Variants in VAV2 observed in about 807,000 individuals in gnomAD.
VAV2 encodes guanine nucleotide exchange factor VAV2.
In VAV2, 67 loss-of-function variants were observed where a neutral mutation model predicts 132.5. The observed-to-expected ratio is 0.51, with a 90% CI of 0.42 to 0.62. VAV2 has a LOEUF of 0.62. VAV2 is among the 20% of genes least tolerant of loss of function. The pLI is 0.00. For synonymous variants in VAV2, 492 were observed against 443.5 expected (o/e 1.11, Z -1.37); for missense variants, 938 against 1,153.6 (o/e 0.81, Z 2.71).
chr9:133,806,104 C>T lies in VAV2; in HGVS notation c.813G>A (p.Lys271=). 1 of 1,613,040 alleles carries T rather than the reference C, an allele frequency of 6.2e-7. No individual in the cohort carries two copies. The highest frequency in any genetic ancestry group is 8.5e-7 in the Non-Finnish European group (1 of 1,179,964). The change falls in exon 9 of 30, where the codon AAG becomes AAA. Residue 271 remains lysine, a synonymous_variant. Transcript: ENST00000371850. ...ACCTTTCCTTGAAATCGAGGAAGAC[C>T]TTGGCCAGCGTGCTGCCCCCCACCA... ...SVMVGGSTLA[K]VFLDFKERLL...
rs1180934212 is a variant in VAV2, at chr9:133,926,749, G to C, written c.321+12354C>G. ...CACACCTCTGCCCACCAAAGTCCCT[G>C]TCACTCTGCACAGTAGGCAGTGGCC... On this transcript the variant is annotated intron_variant, in intron 2 of 29. Transcript: ENST00000371850. The surrounding 1 kb of genome is among the most constrained non-coding windows in gnomAD (Gnocchi z 4.3). Among the ~76,000 whole-genome samples the C allele has an allele frequency of 6.6e-6, 1 of 152,146 alleles. No homozygotes were observed. Among genetic ancestry groups the C allele is most frequent in the East Asian group, 1.9e-4 (1 of 5,190 alleles).
At chr9:133,796,924 G>C (rs897744551) in intron 10 of VAV2, among the ~76,000 whole-genome samples, 4 of 152,214 alleles carry the variant, frequency 2.6e-5, no homozygotes, top group African/African-American at 9.7e-5. Flanking sequence ...CTGGCCTCTG[G>C]GAGAAGCAAG....
intron 1 of VAV2, among the ~76,000 whole-genome samples, chr9:133,951,539 G>C (rs538041593): frequency 6.6e-6 from 1 of 152,110 alleles, no homozygotes; most frequent in Non-Finnish European, 1.5e-5. Flanking sequence ...CCTGTGCTTC[G>C]TGAGGCCCAT....
rs555155718 is a variant in VAV2, at chr9:133,966,907, C to T, written c.204+25168G>A. ...AAAATCAGTTGGGCTTGGTGGCGGG[C>T]GCCTGCAATCCCAGCTACTTGGGAG... is the stretch of plus-strand genomic sequence containing the variant. On this transcript the variant is annotated intron_variant, in intron 1 of 29. Coordinates refer to ENST00000371850, the MANE Select transcript of VAV2 (RefSeq NM_001134398.2). 9.2e-4 allele frequency among the ~76,000 whole-genome samples: 139 copies of T among 151,400 alleles called. 1 individual carries two copies. The highest frequency in any genetic ancestry group is 3.2e-3 in the African/African-American group (131 of 41,224).
Position 133,763,861 on chromosome 9 carries a change from A to T in VAV2, c.*201T>A. On this transcript the variant is annotated 3_prime_UTR_variant, in exon 30 of 30. Coordinates refer to ENST00000371850, the MANE Select transcript of VAV2 (RefSeq NM_001134398.2). This position sits in a 1 kb window ranked among gnomAD's most constrained non-coding sequence, Gnocchi z 6.8. The stretch of plus-strand genomic sequence containing the variant: ...AGGTTTCCTCTATGTACAATAGCAT[A>T]CCCAGTGATGGGTCGCCGAGGGCAG... The T allele has an allele frequency of 1.6e-6, 1 of 633,350 alleles. No individual in the cohort carries two copies. Among genetic ancestry groups the T allele is most frequent in the Non-Finnish European group, 2.8e-6 (1 of 362,660 alleles). 39.2% of individuals were successfully genotyped at this position (633,350 alleles called of 1,614,324 possible).
chr9:133,818,396 G>C (rs905302171), intron 4 of VAV2, among the ~76,000 whole-genome samples: 1 of 149,796 alleles, frequency 6.7e-6, no homozygotes, highest in Non-Finnish European at 1.5e-5. Context: ...GGGTGGACTT[G>C]CTCTCTTCTG....
intron 4 of VAV2, among the ~76,000 whole-genome samples, chr9:133,817,074 G>A (rs1027359668): frequency 1.3e-5 from 2 of 152,138 alleles, no homozygotes; most frequent in African/African-American, 4.8e-5. Flanking sequence ...TGTAATTTGG[G>A]GAGAACTGCC....
intron 2 of VAV2, among the ~76,000 whole-genome samples, chr9:133,878,756 G>C (rs1838368700): frequency 6.6e-6 from 1 of 152,218 alleles, no homozygotes; most frequent in African/African-American, 2.4e-5. Context: ...ACCCACACCA[G>C]GGGGTCCCGA....
At chr9:133,783,947 C>A (rs1399771925) in intron 18 of VAV2, among the ~76,000 whole-genome samples, 3 of 146,178 alleles carry the variant, frequency 2.1e-5, no homozygotes, top group African/African-American at 7.6e-5. Flanking sequence ...GTGGCGACAT[C>A]ACAGCTCACT....
In VAV2 at chr9:133,789,245, G is replaced by A. The variant is rs757628718; in HGVS notation, c.1274+13C>T. On this transcript the variant is annotated intron_variant, in intron 14 of 29. Coordinates refer to ENST00000371850, the MANE Select transcript of VAV2 (RefSeq NM_001134398.2). Reference sequence around the variant, plus strand: ...CGGGACGCCACCCAGCCCACAACACGCGCCCTGCTCACCTGTCCTGCTTGG... The same window carrying A: ...CGGGACGCCACCCAGCCCACAACACACGCCCTGCTCACCTGTCCTGCTTGG... 1.4e-5 allele frequency: 22 copies of A among 1,613,586 alleles called. No individual in the cohort carries two copies. The highest frequency in any genetic ancestry group is 5.5e-5 in the South Asian group (5 of 91,044).
At chr9:133,880,112 C>T (rs533750282) in intron 2 of VAV2, among the ~76,000 whole-genome samples, 17 of 152,294 alleles carry the variant, frequency 1.1e-4, no homozygotes, top group African/African-American at 3.9e-4. Context: ...GAAGGACCCA[C>T]CTGGACCCAC....
intron 2 of VAV2, among the ~76,000 whole-genome samples, chr9:133,923,999 G>A (rs555790870): frequency 5.3e-5 from 8 of 152,096 alleles, no homozygotes; most frequent in African/African-American, 1.7e-4. Context: ...CGGGGGGTGG[G>A]GGACTAGGGG....
At chr9:133,987,334 G>T (rs1842887356) in intron 1 of VAV2, among the ~76,000 whole-genome samples, 1 of 152,350 alleles carries the variant, frequency 6.6e-6, no homozygotes, top group Non-Finnish European at 1.5e-5. Context: ...GAGGTTCAAA[G>T]CGCGTGGAGG....
At chr9:133,875,611 A>T (rs1838231321) in intron 2 of VAV2, among the ~76,000 whole-genome samples, 1 of 152,218 alleles carries the variant, frequency 6.6e-6, no homozygotes, top group South Asian at 2.1e-4. Flanking sequence ...GCACGGCAGG[A>T]CTGACCCTGC....
Position 133,802,191 on chromosome 9 carries a change from T to G in VAV2, c.836+3890A>C, listed in dbSNP as rs1030444706. Among the ~76,000 whole-genome samples, 1 of 151,942 alleles carries G rather than the reference T, an allele frequency of 6.6e-6. No individual in the cohort carries two copies. The highest frequency in any genetic ancestry group is 1.5e-5 in the Non-Finnish European group (1 of 67,978). The stretch of plus-strand genomic sequence containing the variant: ...GGAAGTCAGTTAAGGAGGCAAAAGT[T>G]TACAGGCCTTAATTCTAACCACATT... On this transcript the variant is annotated intron_variant, in intron 9 of 29. Transcript: ENST00000371850. The surrounding 1 kb of genome is among the most constrained non-coding windows in gnomAD (Gnocchi z 5.8).
rs1007966836 is a variant in VAV2, at chr9:133,879,050, A to T, written c.322-17618T>A. Among the ~76,000 whole-genome samples the T allele has an allele frequency of 9.9e-5, 15 of 152,160 alleles. No individual in the cohort carries two copies. Among genetic ancestry groups the T allele is most frequent in the East Asian group, 3.9e-4 (2 of 5,176 alleles). The stretch of plus-strand genomic sequence containing the variant: ...AGGATCCCCCCGTTCCCCAGGCATC[A>T]TCCGCCCCCATCCCAGGCATCCTGT... On this transcript the variant is annotated intron_variant, in intron 2 of 29. Transcript: ENST00000371850. This position sits in a 1 kb window ranked among gnomAD's most constrained non-coding sequence, Gnocchi z 4.4.
At position 133,918,124 on chromosome 9, in the gene VAV2, C is replaced by G. The variant is rs1200113013; in HGVS notation, c.321+20979G>C. Among the ~76,000 whole-genome samples the G allele has an allele frequency of 1.3e-5, 2 of 152,158 alleles. No individual in the cohort carries two copies. Among genetic ancestry groups the G allele is most frequent in the Admixed American group, 6.5e-5 (1 of 15,282 alleles). ...TAATTTGCTTTTCCTAATGATATGC[C>G]CACAGTATTAGGACAGCTCTCCTTT... On this transcript the variant is annotated intron_variant, in intron 2 of 29. Coordinates refer to ENST00000371850, the MANE Select transcript of VAV2 (RefSeq NM_001134398.2). This position sits in a 1 kb window ranked among gnomAD's most constrained non-coding sequence, Gnocchi z 4.7.
At chr9:133,829,072 G>A (rs1836162336) in intron 4 of VAV2, among the ~76,000 whole-genome samples, 1 of 152,224 alleles carries the variant, frequency 6.6e-6, no homozygotes, top group Admixed American at 6.5e-5. Context: ...ACCCCAGGCT[G>A]GGAGCCCCCC....
intron 1 of VAV2, among the ~76,000 whole-genome samples, chr9:133,953,127 G>A (rs569128942): frequency 1.3e-5 from 2 of 152,318 alleles, no homozygotes; most frequent in East Asian, 3.9e-4. Flanking sequence ...AACCTCCAGA[G>A]GCAGCACAGC....
Sources: allele counts gnomAD v4.1 joint callset (sites outside exome capture counted in the v4.1 genomes callset), GRCh38; gene constraint gnomAD v4.1.1; non-coding constraint Gnocchi (gnomAD v3.1); transcripts MANE v1.5; gene names NCBI Gene and HGNC (gene_info 2026-07-23, HGNC 2026-07-21).